CACNG2: variants seen among roughly 807,000 people sequenced by gnomAD.
CACNG2 encodes the protein calcium voltage-gated channel auxiliary subunit gamma 2.
Under a neutral mutation model 25.9 loss-of-function variants are expected in CACNG2, and 3 were observed. That is an observed-to-expected ratio of 0.12 (90% confidence interval 0.05 to 0.30). The LOEUF is 0.30. Ranked by LOEUF, CACNG2 falls within the 10% of genes least tolerant of loss-of-function variation. CACNG2 has a pLI of 1.00. For synonymous variants in CACNG2, 167 were observed against 173.3 expected (o/e 0.96, Z 0.29); for missense variants, 341 against 432.5 (o/e 0.79, Z 1.88).
At position 36,566,349 on chromosome 22, in the gene CACNG2, T is replaced by A; in HGVS notation, c.436+4A>T. On this transcript the variant is annotated splice_donor_region_variant and intron_variant, in intron 3 of 3. Coordinates refer to ENST00000300105, the MANE Select transcript of CACNG2 (RefSeq NM_006078.5). The stretch of plus-strand genomic sequence containing the variant: ...AGTGGCAGGACTGGATCAGTGGCTG[T>A]TACCTGCAGACACGAAGAAGATGCC... 1.2e-6 allele frequency: 2 copies of A among 1,613,968 alleles called. No individual in the cohort carries two copies. The highest frequency in any genetic ancestry group is 4.5e-5 in the East Asian group (2 of 44,872).
At chr22:36,677,939 C>T (rs6000384) in intron 1 of CACNG2, among the ~76,000 whole-genome samples, 57 of 152,320 alleles carry the variant, frequency 3.7e-4, no homozygotes, top group African/African-American at 1.3e-3. Flanking sequence ...TGTGGTTTGA[C>T]TGCCCCATGA....
chr22:36,663,675 C>T (rs568834014), intron 1 of CACNG2, among the ~76,000 whole-genome samples: 1 of 152,280 alleles, frequency 6.6e-6, no homozygotes, highest in South Asian at 2.1e-4. Context: ...AAAGAGTTTG[C>T]AGCGCTCGCA....
chr22:36,599,332 A>G (rs1400664576), intron 1 of CACNG2, among the ~76,000 whole-genome samples: 1 of 152,242 alleles, frequency 6.6e-6, no homozygotes, highest in African/African-American at 2.4e-5. Context: ...AAAACATGTT[A>G]TAGATTATTT....
chr22:36,662,212 C>A (rs909768761), intron 1 of CACNG2, among the ~76,000 whole-genome samples: 2 of 151,828 alleles, frequency 1.3e-5, no homozygotes, highest in African/African-American at 4.8e-5. Flanking sequence ...GAACTCCTGA[C>A]CTCAGATGAT....
chr22:36,696,719 A>AGG (rs1447761394), intron 1 of CACNG2, among the ~76,000 whole-genome samples: 2 of 152,162 alleles, frequency 1.3e-5, no homozygotes, highest in Admixed American at 1.3e-4. Flanking sequence ...AAAACAGCAA[A>AGG]GGGGGATGGA....
intron 1 of CACNG2, among the ~76,000 whole-genome samples, chr22:36,598,399 C>T (rs1247371185): frequency 6.6e-6 from 1 of 152,044 alleles, no homozygotes; most frequent in Non-Finnish European, 1.5e-5. Flanking sequence ...GGGCAGATCA[C>T]CTGAGGTCAG....
chr22:36,679,231 CTTCT>C (rs993807935), intron 1 of CACNG2, among the ~76,000 whole-genome samples: 24 of 86,684 alleles, frequency 2.8e-4, no homozygotes, highest in East Asian at 5.8e-4. Flanking sequence ...TCTTTCTTTC[CTTCT>C]TTCTTTCTTT....
At chr22:36,664,251 C>CACAG (rs1936841920) in intron 1 of CACNG2, among the ~76,000 whole-genome samples, 2 of 152,074 alleles carry the variant, frequency 1.3e-5, no homozygotes, top group Non-Finnish European at 2.9e-5. Context: ...TACACACACG[C>CACAG]ACAGAATGAG....
At chr22:36,679,206 C>CTTT (rs1451458545) in intron 1 of CACNG2, among the ~76,000 whole-genome samples, 1 of 136,292 alleles carries the variant, frequency 7.3e-6, no homozygotes, top group Non-Finnish European at 1.6e-5. Context: ...TCCTTTCTTT[C>CTTT]TTTCTTTCTT....
At position 36,645,455 on chromosome 22, in the gene CACNG2, T is replaced by C. The variant is rs542489100; in HGVS notation, c.211+56911A>G. 2.0e-5 allele frequency among the ~76,000 whole-genome samples: 3 copies of C among 149,432 alleles called. No homozygotes were observed. In the East Asian group the frequency reaches 5.9e-4, roughly 29 times the overall value. On this transcript the variant is annotated intron_variant, in intron 1 of 3. Coordinates refer to ENST00000300105, the MANE Select transcript of CACNG2 (RefSeq NM_006078.5). ...GGGAGGCTGAGGCAGGAGAATGGCA[T>C]GAACCCCAGAGGCGGAGCTTGCAGT... is the stretch of plus-strand genomic sequence containing the variant.
chr22:36,616,839 A>G (rs1384897185), intron 1 of CACNG2, among the ~76,000 whole-genome samples: 3 of 152,226 alleles, frequency 2.0e-5, no homozygotes, highest in African/African-American at 7.2e-5. Context: ...CTATTCATTT[A>G]TACCATGATG....
intron 1 of CACNG2, among the ~76,000 whole-genome samples, chr22:36,603,654 A>G (rs151256418): frequency 5.4e-4 from 83 of 152,350 alleles, no homozygotes; most frequent in African/African-American, 1.9e-3. Flanking sequence ...AGAGCCCTTA[A>G]GAAGTATGCT....
At chr22:36,608,601 A>T (rs1162488458) in intron 1 of CACNG2, among the ~76,000 whole-genome samples, 1 of 152,220 alleles carries the variant, frequency 6.6e-6, no homozygotes, top group Non-Finnish European at 1.5e-5. Context: ...CTGGAGGTTC[A>T]TAGAGGTGAT....
chr22:36,660,156 AGGCCG>A (rs1936769805), intron 1 of CACNG2, among the ~76,000 whole-genome samples: 1 of 152,226 alleles, frequency 6.6e-6, no homozygotes, highest in Admixed American at 6.5e-5. Flanking sequence ...GTCCCTCACT[AGGCCG>A]TGAGCTCTTG....
At chr22:36,652,796 C>A (rs1936640014) in intron 1 of CACNG2, among the ~76,000 whole-genome samples, 1 of 152,002 alleles carries the variant, frequency 6.6e-6, no homozygotes, top group Admixed American at 6.6e-5. Flanking sequence ...GGCAAGATAC[C>A]CTGTGAGCAA....
intron 1 of CACNG2, among the ~76,000 whole-genome samples, chr22:36,668,255 T>G (rs991330273): frequency 2.0e-5 from 3 of 152,246 alleles, no homozygotes; most frequent in African/African-American, 7.2e-5. Flanking sequence ...CTTCAGGCGA[T>G]CCAGGTTCCC....
At chr22:36,670,298 TCA>T (rs1483704416) in intron 1 of CACNG2, among the ~76,000 whole-genome samples, 1 of 150,862 alleles carries the variant, frequency 6.6e-6, no homozygotes, top group African/African-American at 2.4e-5. Flanking sequence ...CAATTCTCCA[TCA>T]TCCCAGCTTT....
chr22:36,660,752 A>G (rs1331291139), intron 1 of CACNG2, among the ~76,000 whole-genome samples: 1 of 152,198 alleles, frequency 6.6e-6, no homozygotes, highest in Non-Finnish European at 1.5e-5. Flanking sequence ...TGTTAGATAA[A>G]CGTGGAAGCA....
chr22:36,633,189 C>T (rs544994821), intron 1 of CACNG2, among the ~76,000 whole-genome samples: 1 of 152,266 alleles, frequency 6.6e-6, no homozygotes, highest in South Asian at 2.1e-4. Flanking sequence ...CACGCATCAA[C>T]ACCTAACTCA....
Sources: gnomAD v4.1 joint callset for allele counts (sites outside exome capture counted in the v4.1 genomes callset) on GRCh38, gnomAD v4.1.1 for gene constraint, MANE v1.5 for transcripts, NCBI Gene and HGNC (gene_info 2026-07-23, HGNC 2026-07-21) for gene names.